The following CSMD3 variants were observed in gnomAD, a reference collection of about 807,000 sequenced individuals.
The protein encoded by CSMD3 is CUB and sushi domain-containing protein 3.
A neutral mutation model predicts 435.2 loss-of-function variants in CSMD3; 177 were observed. The observed-to-expected ratio is 0.41, with a 90% CI of 0.36 to 0.46. The LOEUF is 0.46. Among genes scored for constraint, CSMD3 ranks in the 20% least tolerant of loss-of-function variants. The pLI is 0.34. For synonymous variants in CSMD3, 1,656 were observed against 1,520.5 expected (o/e 1.09, Z -2.07); for missense variants, 4,265 against 4,504.6 (o/e 0.95, Z 1.52).
At chr8:112,895,302 A>G (rs761605777) in intron 10 of CSMD3, among the ~76,000 whole-genome samples, 1 of 151,466 alleles carries the variant, frequency 6.6e-6, no homozygotes, top group Non-Finnish European at 1.5e-5. Context: ...AATAATTAGA[A>G]TAGGTAGATA....
chr8:112,641,307 G>T (rs758000408), intron 20 of CSMD3, among the ~76,000 whole-genome samples: 2 of 151,968 alleles, frequency 1.3e-5, no homozygotes, highest in Non-Finnish European at 2.9e-5. Flanking sequence ...TTGTGCCAAA[G>T]GTCAATTAAT....
chr8:112,333,125 A>C (rs1041178834), intron 45 of CSMD3, among the ~76,000 whole-genome samples: 4 of 152,158 alleles, frequency 2.6e-5, no homozygotes, highest in African/African-American at 4.8e-5. Context: ...ATAGAAAATC[A>C]AGGGTTAAAT....
chr8:112,852,673 A>G (rs2080525627), intron 11 of CSMD3, among the ~76,000 whole-genome samples: 1 of 152,128 alleles, frequency 6.6e-6, no homozygotes, highest in Non-Finnish European at 1.5e-5. Flanking sequence ...CTATAATCCC[A>G]GCACTTTGGG....
In CSMD3 at chr8:113,173,927, G is replaced by C. The variant is rs1273188020; in HGVS notation, c.515-11C>G. 4 of 1,592,674 alleles carry C rather than the reference G, an allele frequency of 2.5e-6. No homozygotes were observed. The highest frequency in any genetic ancestry group is 2.7e-5 in the African/African-American group (2 of 74,516). On this transcript the variant is annotated splice_polypyrimidine_tract_variant and intron_variant, in intron 3 of 70. Transcript: ENST00000297405. ...AGCTACTCTGCAATTCTATTAAAAAGGAGGAAAAGGAGAGTTTACAGTTAT... is the reference window on the plus strand; with the variant it reads ...AGCTACTCTGCAATTCTATTAAAAACGAGGAAAAGGAGAGTTTACAGTTAT...
intron 1 of CSMD3, chr8:113,377,294 AAAG>A (rs1033375770): frequency 4.8e-5 from 11 of 227,092 alleles, no homozygotes; most frequent in Non-Finnish European, 7.4e-5. Context: ...ATGCTGAAAT[AAAG>A]AAGTTTACCT....
intron 54 of CSMD3, among the ~76,000 whole-genome samples, chr8:112,294,094 G>C (rs949250604): frequency 6.6e-6 from 1 of 151,896 alleles, no homozygotes; most frequent in African/African-American, 2.4e-5. Flanking sequence ...TGCTTGGGGG[G>C]GGTGTAGGGG....
chr8:113,174,815 A>G (rs927910240), intron 3 of CSMD3, among the ~76,000 whole-genome samples: 1 of 151,854 alleles, frequency 6.6e-6, no homozygotes, highest in Non-Finnish European at 1.5e-5. Context: ...ACAAACAGTA[A>G]TTAATGAACT....
intron 36 of CSMD3, among the ~76,000 whole-genome samples, chr8:112,390,043 A>T (rs1830287038): frequency 6.6e-6 from 1 of 152,182 alleles, no homozygotes; most frequent in African/African-American, 2.4e-5. Context: ...GGCTGCACTT[A>T]TTGCTTACTC....
chr8:113,250,424 C>A lies in CSMD3; in HGVS notation c.514+28168G>T, dbSNP rs75224612. ...AGAGATGGAGGAAAAACAATAATTT[C>A]ACACTAAGCAGACCTTGTGGGCGGT... On this transcript the variant is annotated intron_variant, in intron 3 of 70. Coordinates refer to ENST00000297405, the MANE Select transcript of CSMD3 (RefSeq NM_198123.2). Among the ~76,000 whole-genome samples, 32 of 152,228 alleles carry A rather than the reference C, an allele frequency of 2.1e-4. No individual in the cohort carries two copies. The East Asian group carries it at 6.2e-3, about 29-fold the overall frequency.
chr8:112,931,498 A>AAT (rs2083107153), intron 9 of CSMD3, among the ~76,000 whole-genome samples: 1 of 151,968 alleles, frequency 6.6e-6, no homozygotes, highest in Non-Finnish European at 1.5e-5. Context: ...CTACTAAAAA[A>AAT]AAAAAAACTT....
intron 27 of CSMD3, among the ~76,000 whole-genome samples, chr8:112,549,543 A>G (rs1827490227): frequency 6.6e-6 from 1 of 152,016 alleles, no homozygotes; most frequent in Non-Finnish European, 1.5e-5. Flanking sequence ...TAACTGTATA[A>G]TTGTTTACTT....
At chr8:112,670,631 C>T (rs1170411100) in intron 16 of CSMD3, among the ~76,000 whole-genome samples, 1 of 152,068 alleles carries the variant, frequency 6.6e-6, no homozygotes, top group African/African-American at 2.4e-5. Context: ...AAGAGTGAGT[C>T]AGAGGAAGGA....
intron 12 of CSMD3, among the ~76,000 whole-genome samples, chr8:112,819,049 C>T (rs553515435): frequency 1.5e-3 from 221 of 152,140 alleles, no homozygotes; most frequent in Non-Finnish European, 2.6e-3. Flanking sequence ...TATGTGGTAC[C>T]CGGAATTCCC....
At chr8:112,509,290 T>C (rs1222405501) in intron 28 of CSMD3, among the ~76,000 whole-genome samples, 1 of 152,064 alleles carries the variant, frequency 6.6e-6, no homozygotes, top group Non-Finnish European at 1.5e-5. Flanking sequence ...AGTTTTGCCA[T>C]GTTGCCCAGG....
At chr8:112,890,305 G>A (rs2081745903) in intron 10 of CSMD3, among the ~76,000 whole-genome samples, 1 of 151,610 alleles carries the variant, frequency 6.6e-6, no homozygotes, top group South Asian at 2.1e-4. Context: ...GAATGATAAT[G>A]TCTTTGCTAT....
chr8:112,246,743 C>T (rs867420266), intron 64 of CSMD3, among the ~76,000 whole-genome samples: 5 of 152,064 alleles, frequency 3.3e-5, no homozygotes, highest in African/African-American at 1.2e-4. Flanking sequence ...AAACTAAAAC[C>T]TAATCATTAC....
chr8:112,939,352 C>T (rs1265961296), intron 9 of CSMD3, among the ~76,000 whole-genome samples: 1 of 152,018 alleles, frequency 6.6e-6, no homozygotes, highest in Non-Finnish European at 1.5e-5. Flanking sequence ...AAGGCAAAGA[C>T]AGGTAACCAA....
intron 9 of CSMD3, among the ~76,000 whole-genome samples, chr8:112,935,707 A>G (rs1472290330): frequency 1.6e-5 from 1 of 60,876 alleles, no homozygotes; most frequent in African/African-American, 5.0e-5. Flanking sequence ...TCAATTATGA[A>G]AAAAAAAACA....
At chr8:113,210,418 T>C (rs150601850) in intron 3 of CSMD3, among the ~76,000 whole-genome samples, 10 of 152,094 alleles carry the variant, frequency 6.6e-5, no homozygotes, top group Admixed American at 2.6e-4. Flanking sequence ...ACATATAGAA[T>C]CTATTTCTCA....
Sources: allele counts gnomAD v4.1 joint callset (sites outside exome capture counted in the v4.1 genomes callset), GRCh38; gene constraint gnomAD v4.1.1; transcripts MANE v1.5; gene names NCBI Gene and HGNC (gene_info 2026-07-23, HGNC 2026-07-21).